HBP1: variants seen among roughly 807,000 people sequenced by gnomAD.
The protein encoded by HBP1 is HMG-box transcription factor 1.
A neutral mutation model predicts 62.6 loss-of-function variants in HBP1; 20 were observed. The observed-to-expected ratio is 0.32, with a 90% CI of 0.22 to 0.46. HBP1 has a LOEUF of 0.46. Among genes scored for constraint, HBP1 ranks in the 20% least tolerant of loss-of-function variants. The probability of loss-of-function intolerance (pLI) is 1.00; values close to 1 mark genes in which losing one functional copy is unlikely to be tolerated. For synonymous variants in HBP1, 232 were observed against 206.2 expected (o/e 1.12, Z -1.07); for missense variants, 480 against 611.8 (o/e 0.78, Z 2.27).
At chr7:107,178,025 T>C (rs546529370) in intron 1 of HBP1, among the ~76,000 whole-genome samples, 1 of 152,326 alleles carries the variant, frequency 6.6e-6, no homozygotes, top group East Asian at 1.9e-4. Context: ...TATTAAGTGA[T>C]TAACATTTTT....
chr7:107,179,280 A>G (rs1462087953), intron 1 of HBP1, among the ~76,000 whole-genome samples: 2 of 152,238 alleles, frequency 1.3e-5, no homozygotes, highest in Non-Finnish European at 2.9e-5. Context: ...AAGGACGGTT[A>G]CTAGGTTAAA....
intron 2 of HBP1, among the ~76,000 whole-genome samples, chr7:107,180,996 A>G (rs1201306593): frequency 1.3e-5 from 2 of 152,202 alleles, no homozygotes; most frequent in Non-Finnish European, 2.9e-5. Flanking sequence ...AGAAACAGAA[A>G]TGAACCCTTT....
chr7:107,174,660 A>G, intron 1 of HBP1: 1 of 983,480 alleles, frequency 1.0e-6, no homozygotes, highest in African/African-American at 1.7e-5. Flanking sequence ...GCTTCTGTGG[A>G]CCCCAAGAAC....
chr7:107,200,035 A>G, intron 9 of HBP1, 125 bp from the exon 10 acceptor site: 1 of 701,606 alleles, frequency 1.4e-6, no homozygotes, highest in South Asian at 2.4e-5. Flanking sequence ...ACCTTTTCCC[A>G]TCTCTGTGAT....
At position 107,190,325 on chromosome 7, in the gene HBP1, T is replaced by C; in HGVS notation, c.1067+8T>C. 6.3e-7 allele frequency: 1 copy of C among 1,588,062 alleles called. No homozygotes were observed. Among genetic ancestry groups the C allele is most frequent in the African/African-American group, 1.3e-5 (1 of 74,242 alleles). ...TTTTGATACATTTAAAAGGTAATAT[T>C]GGATTAATTCTTTGTTTTATTTTCC... On this transcript the variant is annotated splice_region_variant and intron_variant, in intron 8 of 10. Transcript: ENST00000222574.
chr7:107,179,771 CAAAA>C, intron 1 of HBP1, 104 bp from the exon 2 acceptor site: 1 of 595,124 alleles, frequency 1.7e-6, no homozygotes, highest in Admixed American at 3.0e-5. Context: ...GACTATGTCT[CAAAA>C]AAAAAACAAA....
chr7:107,191,977 G>A (rs1797675975), intron 8 of HBP1, among the ~76,000 whole-genome samples: 1 of 152,100 alleles, frequency 6.6e-6, no homozygotes. Context: ...AAAAGATGTG[G>A]GGTGAAGTCT....
intron 1 of HBP1, among the ~76,000 whole-genome samples, chr7:107,171,220 C>T (rs1044503509): frequency 1.3e-5 from 2 of 150,550 alleles, no homozygotes; most frequent in African/African-American, 2.5e-5. Flanking sequence ...CAGGTGAGCG[C>T]CACCACTCTC....
At chr7:107,171,072 TA>T (rs201745443) in intron 1 of HBP1, among the ~76,000 whole-genome samples, 3,519 of 56,876 alleles carry the variant, frequency 0.062, 383 homozygotes, top group Admixed American at 0.18. Flanking sequence ...TATATATATA[TA>T]TTTTTTTTTT....
intron 8 of HBP1, among the ~76,000 whole-genome samples, chr7:107,191,558 A>G (rs1342784322): frequency 1.3e-5 from 2 of 152,186 alleles, no homozygotes; most frequent in Admixed American, 1.3e-4. Flanking sequence ...TTGTAGCTGT[A>G]TTACTCATGA....
intron 1 of HBP1, chr7:107,174,679 T>G: frequency 1.0e-6 from 1 of 984,624 alleles, no homozygotes; most frequent in Non-Finnish European, 1.2e-6. Context: ...ACAGCACTGT[T>G]CATACACAGA....
At chr7:107,181,481 T>C (rs906855206) in intron 2 of HBP1, among the ~76,000 whole-genome samples, 2 of 147,798 alleles carry the variant, frequency 1.4e-5, no homozygotes, top group Admixed American at 6.8e-5. Flanking sequence ...CAAAAAAAAA[T>C]TTTTTTTTTT....
intron 8 of HBP1, among the ~76,000 whole-genome samples, chr7:107,192,322 G>C (rs564124540): frequency 5.9e-5 from 9 of 151,950 alleles, no homozygotes; most frequent in Non-Finnish European, 1.2e-4. Flanking sequence ...GGTCAACCTT[G>C]TAAGTAGACT....
At chr7:107,170,454 C>T (rs1796499695) in intron 1 of HBP1, among the ~76,000 whole-genome samples, 1 of 152,026 alleles carries the variant, frequency 6.6e-6, no homozygotes, top group Non-Finnish European at 1.5e-5. Flanking sequence ...CTTTATCTTG[C>T]AAATGAGTGT....
rs1184704903 is a variant in HBP1, at chr7:107,171,063, A to ATTTT, written c.-16+1879_-16+1880insTTTT. On this transcript the variant is annotated intron_variant, in intron 1 of 10. Transcript: ENST00000222574. ...CATGTATAAATATATATATATATAT[A>ATTTT]TATATATATATTTTTTTTTTTTTTT... 1.5e-4 allele frequency among the ~76,000 whole-genome samples: 10 copies of ATTTT among 65,914 alleles called. 1 individual carries two copies. Among genetic ancestry groups the ATTTT allele is most frequent in the Middle Eastern group, 6.8e-3 (1 of 148 alleles). The allele number at this position is 65,914 out of a possible 152,430, so 43.2% of individuals were successfully genotyped here. A position where few individuals can be genotyped will look rare whatever the true frequency, so the allele number is the denominator to read the frequency against.
At chr7:107,185,753 C>G (rs760922775) in intron 3 of HBP1, 48 bp from the exon 4 acceptor site, 11 of 1,485,408 alleles carry the variant, frequency 7.4e-6, no homozygotes, top group African/African-American at 1.4e-5. Context: ...TAGGAAAGAT[C>G]TACTTTAAGG....
At chr7:107,188,156 G>A (rs1191798858) in intron 6 of HBP1, among the ~76,000 whole-genome samples, 1 of 152,122 alleles carries the variant, frequency 6.6e-6, no homozygotes, top group Non-Finnish European at 1.5e-5. Flanking sequence ...TTGTAATTTC[G>A]TTATTTGCCA....
chr7:107,200,049 CA>C, intron 9 of HBP1, 110 bp from the exon 10 acceptor site: 3 of 830,808 alleles, frequency 3.6e-6, no homozygotes, highest in Non-Finnish European at 3.6e-6. Context: ...CTGTGATAGA[CA>C]AGATTTTCAT....
At chr7:107,174,711 C>A in intron 1 of HBP1, 1 of 984,466 alleles carries the variant, frequency 1.0e-6, no homozygotes, top group Non-Finnish European at 1.2e-6. Flanking sequence ...AAGAGAGATA[C>A]CTGTGTAGTG....
Sources: allele counts gnomAD v4.1 joint callset (sites outside exome capture counted in the v4.1 genomes callset), GRCh38; gene constraint gnomAD v4.1.1; transcripts MANE v1.5; gene names NCBI Gene and HGNC (gene_info 2026-07-23, HGNC 2026-07-21).